Variants in EDEM1 observed in about 807,000 individuals in gnomAD.
EDEM1 encodes the protein ER degradation-enhancing alpha-mannosidase-like protein 1.
A neutral mutation model predicts 74.4 loss-of-function variants in EDEM1; 67 were observed. The observed-to-expected ratio is 0.90, with a 90% CI of 0.74 to 1.10. The LOEUF (loss-of-function observed/expected upper bound fraction) is 1.10. Among genes scored for constraint, EDEM1 ranks in the 50% least tolerant of loss-of-function variants. The pLI is 0.00. For synonymous variants in EDEM1, 382 were observed against 335.9 expected (o/e 1.14, Z -1.50); for missense variants, 926 against 851.6 (o/e 1.09, Z -1.09).
chr3:5,207,343 T>C, intron 7 of EDEM1, 70 bp downstream of exon 7: 1 of 1,590,714 alleles, frequency 6.3e-7, no homozygotes, highest in Admixed American at 1.8e-5. Flanking sequence ...TTTCTTTCTT[T>C]TTTAATACCC....
Position 5,210,205 on chromosome 3 carries a change from G to A in EDEM1, c.1540G>A (p.Gly514Arg), listed in dbSNP as rs2106607353. 1 of 1,614,180 alleles carries A rather than the reference G, an allele frequency of 6.2e-7. No homozygotes were observed. The highest frequency in any genetic ancestry group is 2.2e-5 in the East Asian group (1 of 44,886). ...CAAGAATCCCTTCTACCTCCATGTA[G>A]GAATGGATATTCTGCAGAGTCTGGA... ...ATKNPFYLHVGMDILQSLEKY... is the reference protein window; with the variant it reads ...ATKNPFYLHVRMDILQSLEKY... Residue 514 changes from glycine (G) to arginine (R), a missense_variant, in exon 9 of 12, where the codon GGA (glycine) becomes AGA (arginine). Gly to Arg is a moderately radical substitution (Grantham distance 125). Transcript: ENST00000256497.
At position 5,188,075 on chromosome 3, in the gene EDEM1, T is replaced by C. The variant is rs2054848869; in HGVS notation, c.270T>C (p.Pro90=). ...AQSPRKAPRR[P]GPGMCGPANW... ...GCCCGCGCAAGGCTCCGCGGCGTCC[T>C]GGGCCGGGGATGTGCGGCCCAGCCA... Residue 90 remains proline, a synonymous_variant, in exon 1 of 12, where the codon CCT becomes CCC. Coordinates refer to ENST00000256497, the MANE Select transcript of EDEM1 (RefSeq NM_014674.3). 6 of 1,474,018 alleles carry C rather than the reference T, an allele frequency of 4.1e-6. No individual in the cohort carries two copies. The highest frequency in any genetic ancestry group is 4.9e-5 in the Admixed American group (2 of 40,716). 91.3% of individuals were successfully genotyped at this position (1,474,018 alleles called of 1,614,324 possible). A position where few individuals can be genotyped will look rare whatever the true frequency, so the allele number is the denominator to read the frequency against.
intron 8 of EDEM1, among the ~76,000 whole-genome samples, chr3:5,209,124 T>C (rs2055136619): frequency 6.6e-6 from 1 of 152,162 alleles, no homozygotes; most frequent in Non-Finnish European, 1.5e-5. Flanking sequence ...AAGATTTGAA[T>C]TTATTTATTC....
At chr3:5,202,306 C>T (rs973318122) in intron 4 of EDEM1, among the ~76,000 whole-genome samples, 6 of 152,170 alleles carry the variant, frequency 3.9e-5, no homozygotes, top group Non-Finnish European at 7.3e-5. Flanking sequence ...ATGGGTATTG[C>T]GGGAGCTCAG....
chr3:5,189,425 C>A (rs1379749112), intron 1 of EDEM1: 1 of 152,172 alleles, frequency 6.6e-6, no homozygotes, highest in Non-Finnish European at 1.5e-5. Context: ...TGATTTCTAC[C>A]GAAGCAAGGG....
intron 7 of EDEM1, among the ~76,000 whole-genome samples, chr3:5,207,607 A>G (rs564083029): frequency 3.3e-5 from 5 of 152,252 alleles, no homozygotes. Context: ...CCTGGGTTCA[A>G]GAGATTCTCC....
At position 5,188,021 on chromosome 3, in the gene EDEM1, G is replaced by A; in HGVS notation, c.216G>A (p.Leu72=). The A allele has an allele frequency of 6.8e-7, 1 of 1,463,098 alleles. No homozygotes were observed. Among genetic ancestry groups the A allele is most frequent in the Admixed American group, 2.6e-5 (1 of 37,864 alleles). The allele number at this position is 1,463,098 out of a possible 1,614,324, so 90.6% of individuals were successfully genotyped here. ...GGGGGGTATCCGGGCCGTCGTGGCT[G>A]CAGCCGCCGGGGACCGGGGCAGCGC... is the stretch of plus-strand genomic sequence containing the variant. ...RPGGVSGPSW[L]QPPGTGAAQS... The change falls in exon 1 of 12, where the codon CTG becomes CTA. Residue 72 remains leucine, a synonymous_variant. Coordinates refer to ENST00000256497, the MANE Select transcript of EDEM1 (RefSeq NM_014674.3).
chr3:5,195,290 T>A lies in EDEM1; in HGVS notation c.582+9T>A, dbSNP rs1480328437. On this transcript the variant is annotated intron_variant, in intron 2 of 11. Transcript: ENST00000256497. ...CATTGGATACACTTGCAGTAAGTGT[T>A]CACCTTTTTTTAAAAAAATGAATTA... is the stretch of plus-strand genomic sequence containing the variant. The A allele has an allele frequency of 1.3e-6, 2 of 1,520,446 alleles. No homozygotes were observed. Among genetic ancestry groups the A allele is most frequent in the South Asian group, 2.5e-5 (2 of 79,680 alleles). 94.2% of individuals were successfully genotyped at this position (1,520,446 alleles called of 1,614,324 possible). A position where few individuals can be genotyped will look rare whatever the true frequency, so the allele number is the denominator to read the frequency against.
In EDEM1 at chr3:5,187,827, C is replaced by G; in HGVS notation, c.22C>G (p.Leu8Val). Reference protein sequence around the residue: MQWRALVLGLVLLRLGLH... With the variant: MQWRALVVGLVLLRLGLH... ...GACCATGCAATGGCGAGCGCTCGTC[C>G]TGGGGCTGGTGCTCCTCCGGCTTGG... The change falls in exon 1 of 12, where the codon CTG becomes GTG. Residue 8 changes from leucine to valine, a missense_variant. Transcript: ENST00000256497. 2 of 1,587,288 alleles carry G rather than the reference C, an allele frequency of 1.3e-6. No homozygotes were observed. Among genetic ancestry groups the G allele is most frequent in the Non-Finnish European group, 1.7e-6 (2 of 1,168,528 alleles).
At chr3:5,211,649 A>AGTGTGTGT (rs1271824682) in intron 10 of EDEM1, among the ~76,000 whole-genome samples, 12 of 127,258 alleles carry the variant, frequency 9.4e-5, no homozygotes, top group African/African-American at 3.0e-4. Context: ...CACATGAGTG[A>AGTGTGTGT]GTGAGTGTGT....
At chr3:5,208,373 G>A in intron 8 of EDEM1, 110 bp downstream of exon 8, 1 of 1,309,348 alleles carries the variant, frequency 7.6e-7, no homozygotes, top group Non-Finnish European at 1.0e-6. Context: ...GTTTCATAGT[G>A]ACTCTGATTG....
At chr3:5,210,636 G>A (rs1559299901) in intron 9 of EDEM1, among the ~76,000 whole-genome samples, 1 of 151,594 alleles carries the variant, frequency 6.6e-6, no homozygotes, top group Non-Finnish European at 1.5e-5. Flanking sequence ...TTTTATATAT[G>A]ATGTGTGTAT....
At chr3:5,205,889 G>A (rs2055090630) in intron 6 of EDEM1, among the ~76,000 whole-genome samples, 1 of 152,050 alleles carries the variant, frequency 6.6e-6, no homozygotes, top group African/African-American at 2.4e-5. Flanking sequence ...TGGCTCGCAC[G>A]GATGGAGGTT....
intron 10 of EDEM1, among the ~76,000 whole-genome samples, chr3:5,211,649 A>AGTGT (rs1271824682): frequency 1.2e-4 from 15 of 127,258 alleles, no homozygotes; most frequent in African/African-American, 4.1e-4. Context: ...CACATGAGTG[A>AGTGT]GTGAGTGTGT....
chr3:5,201,644 G>A lies in EDEM1; in HGVS notation c.687-109G>A, dbSNP rs144771848. 84 of 1,290,486 alleles carry A rather than the reference G, an allele frequency of 6.5e-5. No homozygotes were observed. The East Asian group carries it at 1.9e-3, about 30-fold the overall frequency. 79.9% of individuals were successfully genotyped at this position (1,290,486 alleles called of 1,614,324 possible). On this transcript the variant is annotated intron_variant, in intron 3 of 11. Coordinates refer to ENST00000256497, the MANE Select transcript of EDEM1 (RefSeq NM_014674.3). ...TTAAGTCAGGTCTCTCTGACGTCAG[G>A]CAGTTCTGAGTCTATGTGGATATGA...
In EDEM1 at chr3:5,219,769, T is replaced by C. The variant is rs2055291505; in HGVS notation, c.*3851T>C. ...AATACACAAATGCTTCTCTGTAATG[T>C]GCAATATGCTTTGCAACTGTAGATG... On this transcript the variant is annotated 3_prime_UTR_variant, in exon 12 of 12. Coordinates refer to ENST00000256497, the MANE Select transcript of EDEM1 (RefSeq NM_014674.3). The C allele has an allele frequency of 6.6e-6, 1 of 152,670 alleles. No individual in the cohort carries two copies. The highest frequency in any genetic ancestry group is 1.5e-5 in the Non-Finnish European group (1 of 68,042). The allele number at this position is 152,670 out of a possible 1,614,324, so 9.5% of individuals were successfully genotyped here.
chr3:5,194,305 T>A (rs976210942), intron 1 of EDEM1, among the ~76,000 whole-genome samples: 4 of 152,370 alleles, frequency 2.6e-5, no homozygotes, highest in Non-Finnish European at 5.9e-5. Context: ...CTGCACTTAT[T>A]TTCTGGATTT....
chr3:5,212,052 C>A (rs569945328), intron 10 of EDEM1, among the ~76,000 whole-genome samples: 2 of 152,248 alleles, frequency 1.3e-5, no homozygotes, highest in Non-Finnish European at 2.9e-5. Flanking sequence ...TATCTAGTTC[C>A]GTGGTTCCTA....
At chr3:5,193,145 G>T (rs756866233) in intron 1 of EDEM1, among the ~76,000 whole-genome samples, 1 of 152,164 alleles carries the variant, frequency 6.6e-6, no homozygotes, top group East Asian at 1.9e-4. Flanking sequence ...GGAGAGGGGA[G>T]TTACATGTGG....
Sources: gnomAD v4.1 joint callset for allele counts (sites outside exome capture counted in the v4.1 genomes callset) on GRCh38, gnomAD v4.1.1 for gene constraint, MANE v1.5 for transcripts, NCBI Gene and HGNC (gene_info 2026-07-23, HGNC 2026-07-21) for gene names.